The following PREP variants were observed in gnomAD, a reference collection of about 807,000 sequenced individuals.
PREP encodes prolyl endopeptidase, also known as dJ355L5.1 (prolyl endopeptidase).
In PREP, 29 loss-of-function variants were observed where a neutral mutation model predicts 87.6. The observed-to-expected ratio is 0.33, with a 90% CI of 0.25 to 0.45. The LOEUF is 0.45. Ranked by LOEUF, PREP falls within the 20% of genes least tolerant of loss-of-function variation. The pLI is 1.00. For missense variants in PREP, 695 were observed against 886.5 expected, an observed-to-expected ratio of 0.78 and a Z score of 2.74; for synonymous variants, 337 against 328.6, an observed-to-expected ratio of 1.03 and a Z score of -0.28.
chr6:105,287,837 C>T (rs1027213666), intron 11 of PREP, among the ~76,000 whole-genome samples: 3 of 152,194 alleles, frequency 2.0e-5, no homozygotes, highest in East Asian at 1.9e-4. Context: ...CCACTTTATA[C>T]TAGCAATGGG....
chr6:105,318,273 G>C (rs139739992), intron 10 of PREP, among the ~76,000 whole-genome samples: 2 of 152,230 alleles, frequency 1.3e-5, no homozygotes. Flanking sequence ...TAAGCAGATA[G>C]AGGATGCAAG....
chr6:105,329,214 G>A (rs1463623351), intron 8 of PREP, among the ~76,000 whole-genome samples, 188 bp from the exon 9 acceptor site: 1 of 150,816 alleles, frequency 6.6e-6, no homozygotes, highest in Non-Finnish European at 1.5e-5. Context: ...GTACAGTAGT[G>A]CAATCTCAGC....
chr6:105,334,115 T>A (rs1025537845), intron 7 of PREP, among the ~76,000 whole-genome samples: 5 of 152,238 alleles, frequency 3.3e-5, no homozygotes, highest in African/African-American at 1.2e-4. Flanking sequence ...CTTCCCACTG[T>A]CACTCTTGAT....
intron 12 of PREP, among the ~76,000 whole-genome samples, chr6:105,284,458 C>A (rs1199293523): frequency 6.6e-6 from 1 of 152,120 alleles, no homozygotes; most frequent in Admixed American, 6.5e-5. Context: ...GAGCCTCAGG[C>A]CTCTGGTTTG....
At chr6:105,322,971 C>T in intron 10 of PREP, 1 of 1,297,148 alleles carries the variant, frequency 7.7e-7, no homozygotes, top group South Asian at 1.2e-5. Flanking sequence ...CCTGTGTGGT[C>T]CAGCCCTCCA....
intron 2 of PREP, among the ~76,000 whole-genome samples, chr6:105,397,186 A>T (rs112239096): frequency 1.3e-5 from 1 of 76,518 alleles, no homozygotes; most frequent in Admixed American, 1.1e-4. Flanking sequence ...CTCTGTCTAC[A>T]AAAAAAAAAA....
chr6:105,386,057 T>C (rs1009530726), intron 2 of PREP, among the ~76,000 whole-genome samples: 1 of 152,142 alleles, frequency 6.6e-6, no homozygotes. Flanking sequence ...GAGTCAGAGA[T>C]TGCAGTGAGC....
intron 5 of PREP, among the ~76,000 whole-genome samples, chr6:105,371,901 T>C (rs918231446): frequency 6.6e-6 from 1 of 152,226 alleles, no homozygotes; most frequent in Admixed American, 6.5e-5. Flanking sequence ...TTTTACAAGT[T>C]AATGTAATAA....
intron 6 of PREP, among the ~76,000 whole-genome samples, chr6:105,364,508 G>A (rs1370673770): frequency 6.6e-6 from 1 of 152,044 alleles, no homozygotes; most frequent in African/African-American, 2.4e-5. Context: ...GGAGGTTGAC[G>A]ACAGCAAGCC....
intron 6 of PREP, among the ~76,000 whole-genome samples, chr6:105,359,403 C>G (rs1274906195): frequency 6.6e-6 from 1 of 152,100 alleles, no homozygotes; most frequent in Admixed American, 6.5e-5. Context: ...AGTGATGACT[C>G]CTAAATGATG....
chr6:105,344,840 TA>T (rs549488150), intron 7 of PREP, among the ~76,000 whole-genome samples: 4 of 151,464 alleles, frequency 2.6e-5, no homozygotes, highest in Admixed American at 2.6e-4. Flanking sequence ...TAATAAAAAG[TA>T]AAAAAAAATC....
chr6:105,354,596 T>C (rs769572547), intron 6 of PREP, among the ~76,000 whole-genome samples: 4 of 151,860 alleles, frequency 2.6e-5, no homozygotes, highest in Non-Finnish European at 5.9e-5. Flanking sequence ...CTCCATAATG[T>C]GGGTGGGACT....
At chr6:105,286,485 T>C (rs1770189988) in intron 11 of PREP, among the ~76,000 whole-genome samples, 1 of 152,182 alleles carries the variant, frequency 6.6e-6, no homozygotes, top group Non-Finnish European at 1.5e-5. Context: ...TTAAGTCCTT[T>C]GGAAAATTTG....
In PREP at chr6:105,377,436, A is replaced by G. The variant is rs1772714364; in HGVS notation, c.204T>C (p.Thr68=). Reference sequence around the variant, plus strand: ...TATACTTGGGATAATCATATAGTTCAGTCATTCTCTCTTTGTATAAACCTC... The same window carrying G: ...TATACTTGGGATAATCATATAGTTCGGTCATTCTCTCTTTGTATAAACCTC... ...PIRGLYKERM[T]ELYDYPKYSC... The change falls in exon 3 of 15, where the codon ACT becomes ACC. Residue 68 remains threonine, a synonymous_variant. Coordinates refer to ENST00000652536, the MANE Select transcript of PREP (RefSeq NM_002726.5). 1 of 1,613,718 alleles carries G rather than the reference A, an allele frequency of 6.2e-7. No homozygotes were observed. The highest frequency in any genetic ancestry group is 1.1e-5 in the South Asian group (1 of 91,056).
intron 10 of PREP, among the ~76,000 whole-genome samples, chr6:105,294,246 C>A (rs1770360854): frequency 6.6e-6 from 1 of 152,140 alleles, no homozygotes; most frequent in Non-Finnish European, 1.5e-5. Context: ...AGGGCAGAGC[C>A]CCCAAACGTG....
chr6:105,326,723 G>A (rs6932837), intron 9 of PREP, among the ~76,000 whole-genome samples: 4,762 of 152,248 alleles, frequency 0.031, 243 homozygotes, highest in African/African-American at 0.099. Context: ...TTTGCATTTG[G>A]TCTCACAAGA....
At position 105,383,574 on chromosome 6, in the gene PREP, G is replaced by A. The variant is rs370720021; in HGVS notation, c.121-6055C>T. Among the ~76,000 whole-genome samples the A allele has an allele frequency of 4.9e-4, 74 of 152,210 alleles. 3 individuals carry two copies. The South Asian group carries it at 0.015, about 30-fold the overall frequency. On this transcript the variant is annotated intron_variant, in intron 2 of 14. Coordinates refer to ENST00000652536, the MANE Select transcript of PREP (RefSeq NM_002726.5). ...CTTCTCTCTGGGACCATCTGCTCTT[G>A]GGTGAAAAGGGCTCATAGTAAGCTT...
intron 7 of PREP, among the ~76,000 whole-genome samples, chr6:105,351,879 A>G (rs1419638762): frequency 6.6e-6 from 1 of 152,136 alleles, no homozygotes. Flanking sequence ...AGAAAAAAAT[A>G]CTCAGTTTTA....
chr6:105,333,377 A>G lies in PREP; in HGVS notation c.952T>C (p.Phe318Leu). ...SPNYRVINID[F>L]RDPEESKWKV... is the part of the protein sequence containing the mutation. ...CACTTAGACTCTTCAGGATCCCTGA[A>G]GTCAATGTTGATCACGCGATAGTTG... Residue 318 changes from phenylalanine to leucine, a missense_variant, in exon 8 of 15, where the codon TTC becomes CTC. By Grantham distance (22) the Phe-to-Leu change is conservative (BLOSUM62 0). Transcript: ENST00000652536. 1 of 1,614,216 alleles carries G rather than the reference A, an allele frequency of 6.2e-7. No individual in the cohort carries two copies. Among genetic ancestry groups the G allele is most frequent in the South Asian group, 1.1e-5 (1 of 91,088 alleles).
Sources: gnomAD v4.1 joint callset for allele counts (sites outside exome capture counted in the v4.1 genomes callset) on GRCh38, gnomAD v4.1.1 for gene constraint, MANE v1.5 for transcripts, NCBI Gene and HGNC (gene_info 2026-07-23, HGNC 2026-07-21) for gene names.